The following FN1 variants were observed in gnomAD, a reference collection of about 807,000 sequenced individuals.
The protein encoded by FN1 is fibronectin.
FN1 carries 106 observed loss-of-function variants against 297.3 expected under a neutral mutation model. The observed-to-expected ratio is 0.36, with a 90% CI of 0.30 to 0.42. The LOEUF is 0.42. FN1 is among the 10% of genes least tolerant of loss of function. The pLI is 1.00. For missense variants in FN1, 2,690 were observed against 3,124.9 expected, an observed-to-expected ratio of 0.86 and a Z score of 3.32; for synonymous variants, 1,149 against 1,152.6, an observed-to-expected ratio of 1.00 and a Z score of 0.06.
rs376904873 is a variant in FN1, at chr2:215,361,545, G to A, written c.*10C>T. 3.6e-5 allele frequency: 57 copies of A among 1,586,620 alleles called. No individual in the cohort carries two copies. The highest frequency in any genetic ancestry group is 4.4e-5 in the Non-Finnish European group (51 of 1,155,088). On this transcript the variant is annotated 3_prime_UTR_variant, in exon 46 of 46. Coordinates refer to ENST00000354785, the MANE Select transcript of FN1 (RefSeq NM_212482.4). ...GAGACATGCTTGTTCCTCTGGATTG[G>A]AAAGATGATTTACTCTCGGGAATCT...
At chr2:215,401,259 A>AAAGAAAGAAAGAAAGAAAGG (rs1187788957) in intron 20 of FN1, among the ~76,000 whole-genome samples, 3 of 81,804 alleles carry the variant, frequency 3.7e-5, no homozygotes, top group African/African-American at 9.6e-5. Flanking sequence ...AGGAAGAAAG[A>AAAGAAAGAAAGAAAGAAAGG]AAGGAAGGAA....
At chr2:215,364,073 C>T (rs1243010357) in intron 44 of FN1, among the ~76,000 whole-genome samples, 1 of 152,228 alleles carries the variant, frequency 6.6e-6, no homozygotes, top group Non-Finnish European at 1.5e-5. Flanking sequence ...CTCTTTCTTG[C>T]TAATTCCAGC....
intron 36 of FN1, 142 bp downstream of exon 36, chr2:215,376,356 A>G (rs532659356): frequency 1.3e-6 from 1 of 772,884 alleles, no homozygotes; most frequent in East Asian, 2.7e-5. Context: ...TGATCATAGC[A>G]TGAAAATAAC....
rs1160835190 is a variant in FN1 at position 215,406,509 on chromosome 2, A to G, written c.2715T>C (p.Asp905=). Residue 905 remains aspartate, a splice_region_variant and synonymous_variant, in exon 19 of 46, where the codon GAT becomes GAC. Coordinates refer to ENST00000354785, the MANE Select transcript of FN1 (RefSeq NM_212482.4). Reference sequence around the variant, plus strand: ...GCAGGTCCCTGGGAGAGGGCACTGTATCTGACAGACAAGAGTCAACTGGTC... The same window carrying G: ...GCAGGTCCCTGGGAGAGGGCACTGTGTCTGACAGACAAGAGTCAACTGGTC... ...QQETTGTPRS[D]TVPSPRDLQF... 8.7e-6 allele frequency: 14 copies of G among 1,613,666 alleles called. No homozygotes were observed. The South Asian group carries it at 1.5e-4, about 18-fold the overall frequency.
chr2:215,423,033 T>A (rs539003119), intron 9 of FN1, among the ~76,000 whole-genome samples: 2 of 152,354 alleles, frequency 1.3e-5, no homozygotes, highest in South Asian at 4.1e-4. Context: ...GTGTGCTCTT[T>A]ACAAAGACAA....
intron 23 of FN1, among the ~76,000 whole-genome samples, chr2:215,395,341 C>G (rs2060187293): frequency 6.6e-6 from 1 of 151,982 alleles, no homozygotes; most frequent in African/African-American, 2.4e-5. Context: ...AGTTCGAGAC[C>G]AGCCTGGCCA....
chr2:215,394,154 G>A (rs1402582266), intron 24 of FN1, among the ~76,000 whole-genome samples: 7 of 152,124 alleles, frequency 4.6e-5, no homozygotes, highest in Admixed American at 2.0e-4. Context: ...TTGTAAAATC[G>A]GGCAGAAATG....
In FN1 at chr2:215,411,150, A is replaced by C. The variant is rs565273088; in HGVS notation, c.1942-1036T>G. Among the ~76,000 whole-genome samples the C allele has an allele frequency of 3.9e-5, 6 of 152,306 alleles. No individual in the cohort carries two copies. In the East Asian group the frequency reaches 1.2e-3, roughly 29 times the overall value. On this transcript the variant is annotated intron_variant, in intron 13 of 45. Coordinates refer to ENST00000354785, the MANE Select transcript of FN1 (RefSeq NM_212482.4). ...GAAAAAATGCAATTTTGGTTTATTT[A>C]ATCTTTTGCTTCCAGTTTATATTTC...
Position 215,404,299 on chromosome 2 carries a change from G to GT in FN1, c.3253+89dup, listed in dbSNP as rs1553632344. ...TTAAATTATGTACTAATTTTTTAAT[G>GT]TTTTTTTTGTTTTGTTTTGTTTTGT... On this transcript the variant is annotated intron_variant, in intron 20 of 45. Transcript: ENST00000354785. 99 of 1,079,936 alleles carry GT rather than the reference G, an allele frequency of 9.2e-5. 1 individual carries two copies. The highest frequency in any genetic ancestry group is 6.0e-4 in the African/African-American group (37 of 61,802). The allele number at this position is 1,079,936 out of a possible 1,614,324, so 66.9% of individuals were successfully genotyped here. A position where few individuals can be genotyped will look rare whatever the true frequency, so the allele number is the denominator to read the frequency against.
intron 13 of FN1, 104 bp downstream of exon 13, chr2:215,414,733 T>C (rs2063190128): frequency 1.9e-6 from 3 of 1,554,344 alleles, no homozygotes; most frequent in South Asian, 1.2e-5. Flanking sequence ...GCTATAGGAA[T>C]AGTTAATCAG....
rs748742627 is a variant in FN1, at chr2:215,425,115, C to T, written c.1015G>A (p.Gly339Arg). The T allele has an allele frequency of 1.9e-6, 3 of 1,614,064 alleles. No individual in the cohort carries two copies. Among genetic ancestry groups the T allele is most frequent in the East Asian group, 2.2e-5 (1 of 44,890 alleles). The change falls in exon 7 of 46, where the codon GGA becomes AGA. Residue 339 changes from glycine (G) to arginine (R), a missense_variant. Around this residue, in one of 3 missense-constraint regions of FN1, gnomAD observed 876 missense variants for 1,058.1 expected, o/e 0.83. Coordinates refer to ENST00000354785, the MANE Select transcript of FN1 (RefSeq NM_212482.4). ...ATACCTGTCTCTTGGCAGCTGACTC[C>T]GTTGCCCAGGCACGTGCAAAGCATT... ...KQMLCTCLGN[G>R]VSCQETAVTQ...
At position 215,404,424 on chromosome 2, in the gene FN1, T is replaced by C; in HGVS notation, c.3218A>G (p.Gln1073Arg). 1 of 1,614,180 alleles carries C rather than the reference T, an allele frequency of 6.2e-7. No homozygotes were observed. Among genetic ancestry groups the C allele is most frequent in the South Asian group, 1.1e-5 (1 of 91,084 alleles). ...GACTCCAGTGGCTTTGGGGCTCTCT[T>C]GGTTGCCCTTTATGGCCACGAGGGA... ...TVSLVAIKGN[Q>R]ESPKATGVFT... The change falls in exon 20 of 46, where the codon CAA becomes CGA. Residue 1073 changes from glutamine to arginine, a missense_variant. Around this residue, in one of 3 missense-constraint regions of FN1, gnomAD observed 1,743 missense variants for 1,945.2 expected, o/e 0.90. Coordinates refer to ENST00000354785, the MANE Select transcript of FN1 (RefSeq NM_212482.4).
intron 40 of FN1, 44 bp downstream of exon 40, chr2:215,371,865 C>T: frequency 1.9e-6 from 3 of 1,543,810 alleles, no homozygotes; most frequent in South Asian, 2.2e-5. Flanking sequence ...TAACTTATTC[C>T]TTTCTGTGCT....
intron 9 of FN1, among the ~76,000 whole-genome samples, chr2:215,422,923 T>A (rs1472323560): frequency 2.0e-5 from 3 of 152,178 alleles, no homozygotes; most frequent in Non-Finnish European, 4.4e-5. Flanking sequence ...TATTAATAAG[T>A]GATAGAGCTT....
Position 215,365,496 on chromosome 2 carries a change from A to C in FN1, c.7144+9T>G. The C allele has an allele frequency of 6.2e-7, 1 of 1,613,762 alleles. No homozygotes were observed. The highest frequency in any genetic ancestry group is 8.5e-7 in the Non-Finnish European group (1 of 1,179,696). On this transcript the variant is annotated intron_variant, in intron 43 of 45. Coordinates refer to ENST00000354785, the MANE Select transcript of FN1 (RefSeq NM_212482.4). ...AATAAGGCACTAAAAATGATCTGTGATGACATACGAGGGTCACACTTGAAT... is the reference window on the plus strand; with the variant it reads ...AATAAGGCACTAAAAATGATCTGTGCTGACATACGAGGGTCACACTTGAAT...
intron 22 of FN1, 104 bp from the exon 23 acceptor site, chr2:215,397,327 C>T (rs2060419726): frequency 2.7e-6 from 2 of 751,606 alleles, no homozygotes; most frequent in African/African-American, 3.5e-5. Flanking sequence ...TTCTTCCCTC[C>T]CTCCCTCCCT....
In FN1 at chr2:215,434,771, T is replaced by A. The variant is rs141292419; in HGVS notation, c.202A>T (p.Thr68Ser). The A allele has an allele frequency of 1.8e-4, 286 of 1,614,084 alleles. No individual in the cohort carries two copies. The African/African-American group carries it at 3.5e-3, about 20-fold the overall frequency. ...CAAACCAACGCATTGCCTAGGTAGG[T>A]CCGCTCCCACTGTTGATTTATCTGA... ...HYQINQQWER[T>S]YLGNALVCTC... The change falls in exon 2 of 46, where the codon ACC becomes TCC. Residue 68 changes from threonine to serine, a missense_variant. Around this residue, in one of 3 missense-constraint regions of FN1, gnomAD observed 876 missense variants for 1,058.1 expected, o/e 0.83. Transcript: ENST00000354785.
In FN1 at chr2:215,373,411, C is replaced by A. The variant is rs2056622979; in HGVS notation, c.6158G>T (p.Gly2053Val). 2.5e-6 allele frequency: 4 copies of A among 1,611,788 alleles called. No homozygotes were observed. Among genetic ancestry groups the A allele is most frequent in the South Asian group, 1.1e-5 (1 of 91,032 alleles). ...TGTATATTCGGTTCCCGGTTCCAGG[C>A]CTGAAGGGAGAATAGAACCATCACA... ...RPGVTEATIT[G>V]LEPGTEYTIY... The change falls in exon 39 of 46, where the codon GGC (glycine) becomes GTC (valine). Residue 2053 changes from glycine (G) to valine (V), a missense_variant and splice_region_variant. Physicochemically the swap from Gly to Val is moderately radical, Grantham distance 109. Coordinates refer to ENST00000354785, the MANE Select transcript of FN1 (RefSeq NM_212482.4).
Position 215,378,240 on chromosome 2 carries a change from C to T in FN1, c.5645G>A (p.Ser1882Asn), listed in dbSNP as rs757865264. 35 of 1,611,530 alleles carry T rather than the reference C, an allele frequency of 2.2e-5. No homozygotes were observed. Among genetic ancestry groups the T allele is most frequent in the Admixed American group, 1.0e-4 (6 of 59,998 alleles). The change falls in exon 35 of 46, where the codon AGT becomes AAT. Residue 1882 changes from serine to asparagine, a missense_variant. By Grantham distance (46) the Ser-to-Asn change is conservative. Around this residue, in one of 3 missense-constraint regions of FN1, gnomAD observed 1,743 missense variants for 1,945.2 expected, o/e 0.90. Coordinates refer to ENST00000354785, the MANE Select transcript of FN1 (RefSeq NM_212482.4). The stretch of plus-strand genomic sequence containing the variant: ...CAAAGTGTCCTTAAGAGCATAGACA[C>T]TCACTTCATATTTGGTGGCCACCTA... ...GLMVATKYEVSVYALKDTLTS... is the reference protein window; with the variant it reads ...GLMVATKYEVNVYALKDTLTS...
Sources: gnomAD v4.1 joint callset for allele counts (sites outside exome capture counted in the v4.1 genomes callset) on GRCh38, gnomAD v4.1.1 for gene constraint, gnomAD v4.1.1 regional missense constraint, MANE v1.5 for transcripts, NCBI Gene and HGNC (gene_info 2026-07-23, HGNC 2026-07-21) for gene names.